Variants in DNAH6 observed in about 807,000 individuals in gnomAD.
DNAH6 encodes the protein axonemal beta dynein heavy chain 6.
A neutral mutation model predicts 491.4 loss-of-function variants in DNAH6; 340 were observed. The ratio of observed to expected loss-of-function variants is 0.69; its 90% confidence interval spans 0.63 to 0.76. The LOEUF (loss-of-function observed/expected upper bound fraction) is 0.76, where lower values mean the gene tolerates loss of function less well. Among genes scored for constraint, DNAH6 ranks in the 30% least tolerant of loss-of-function variants. DNAH6 has a pLI of 0.00. For synonymous variants in DNAH6, 1,603 were observed against 1,686.1 expected (o/e 0.95, Z 1.21); for missense variants, 4,443 against 4,972.2 (o/e 0.89, Z 3.20).
intron 23 of DNAH6, among the ~76,000 whole-genome samples, chr2:84,618,515 T>C (rs1426253174): frequency 1.3e-5 from 2 of 151,838 alleles, no homozygotes; most frequent in Non-Finnish European, 2.9e-5. Flanking sequence ...ATCAACAATC[T>C]AGAGCATTCA....
intron 13 of DNAH6, among the ~76,000 whole-genome samples, chr2:84,577,826 G>C (rs976501626): frequency 6.6e-6 from 1 of 152,020 alleles, no homozygotes; most frequent in Admixed American, 6.6e-5. Flanking sequence ...ATAGAACTAG[G>C]GAAATTTCTG....
chr2:84,812,618 C>G, intron 73 of DNAH6, 92 bp downstream of exon 73: 1 of 990,584 alleles, frequency 1.0e-6, no homozygotes, highest in Non-Finnish European at 1.5e-6. Flanking sequence ...TATCCACAGT[C>G]ACTGATGGAT....
chr2:84,652,273 A>T (rs1001205800), intron 33 of DNAH6, among the ~76,000 whole-genome samples: 1 of 151,776 alleles, frequency 6.6e-6, no homozygotes, highest in Non-Finnish European at 1.5e-5. Flanking sequence ...GAAGGCGCCT[A>T]TTTCCCCATA....
chr2:84,562,617 A>T lies in DNAH6; in HGVS notation c.1803+4682A>T, dbSNP rs1352827537. ...TATAATTTTACTCATGGCTATGATTATTACAGTGTAAGGATATAAAGCAAA... is the reference window on the plus strand; with the variant it reads ...TATAATTTTACTCATGGCTATGATTTTTACAGTGTAAGGATATAAAGCAAA... On this transcript the variant is annotated intron_variant, in intron 11 of 76. Transcript: ENST00000389394. Among the ~76,000 whole-genome samples the T allele has an allele frequency of 2.0e-5, 3 of 152,154 alleles. No individual in the cohort carries two copies. The East Asian group carries it at 5.8e-4, about 29-fold the overall frequency.
chr2:84,488,160 C>T, the DNAH6 span, among the ~76,000 whole-genome samples: 3 of 152,014 alleles, frequency 2.0e-5, no homozygotes, highest in South Asian at 2.1e-4. Flanking sequence ...AGATGCCCAA[C>T]GATGGGAATA....
Position 84,819,340 on chromosome 2 carries a change from C to A in DNAH6, c.12409C>A (p.Pro4137Thr). The A allele has an allele frequency of 6.4e-7, 1 of 1,551,184 alleles. No homozygotes were observed. Residue 4137 changes from proline (P) to threonine (T), a missense_variant, in exon 77 of 77, where the codon CCC (proline) becomes ACC (threonine). Transcript: ENST00000389394. Reference protein sequence around the residue: ...STNFVVTVLLPSKRSKDYWIA... With the variant: ...STNFVVTVLLTSKRSKDYWIA... ...CAATTTTGTGGTAACCGTCCTGTTA[C>A]CCTCCAAGCGGTCCAAAGACTACTG...
At chr2:84,588,453 A>G (rs1293944968) in intron 15 of DNAH6, among the ~76,000 whole-genome samples, 1 of 152,124 alleles carries the variant, frequency 6.6e-6, no homozygotes, top group Non-Finnish European at 1.5e-5. Context: ...AGGACTTTCC[A>G]TTCCTTTATT....
Position 84,739,819 on chromosome 2 carries a change from CT to C in DNAH6, c.10343-5258del, listed in dbSNP as rs201433500. On this transcript the variant is annotated intron_variant, in intron 62 of 76. Transcript: ENST00000389394. Reference sequence around the variant, plus strand: ...CTGGCTTCTTTGTGTGGGATTTCAACTTTCTCCTGGATCTCATTGAGTTTCT... The same window carrying C: ...CTGGCTTCTTTGTGTGGGATTTCAACTTCTCCTGGATCTCATTGAGTTTCT... Among the ~76,000 whole-genome samples the C allele has an allele frequency of 2.9e-3, 449 of 152,214 alleles. 8 individuals are homozygous for C. Among genetic ancestry groups the C allele is most frequent in the Admixed American group, 0.027 (412 of 15,292 alleles).
intron 29 of DNAH6, among the ~76,000 whole-genome samples, chr2:84,629,064 AC>A (rs1688148884): frequency 6.6e-6 from 1 of 152,190 alleles, no homozygotes; most frequent in East Asian, 1.9e-4. Context: ...TCCACTGAGC[AC>A]TTTGTCTATG....
At chr2:84,583,913 TAC>T in intron 14 of DNAH6, 84 bp from the exon 15 acceptor site, 1 of 1,333,458 alleles carries the variant, frequency 7.5e-7, no homozygotes, top group Non-Finnish European at 1.1e-6. Flanking sequence ...GTTCATATTG[TAC>T]AGTGTCTGTC....
intron 16 of DNAH6, among the ~76,000 whole-genome samples, chr2:84,593,394 A>T (rs1007820849): frequency 6.6e-6 from 1 of 152,232 alleles, no homozygotes; most frequent in Non-Finnish European, 1.5e-5. Context: ...AGGTTTCCCC[A>T]GCGTTGAACC....
chr2:84,567,513 T>C (rs985784443), intron 11 of DNAH6, among the ~76,000 whole-genome samples: 10 of 152,062 alleles, frequency 6.6e-5, no homozygotes, highest in African/African-American at 2.4e-4. Flanking sequence ...AACCATCTGA[T>C]CTTCAACAAA....
chr2:84,641,225 A>G (rs1186960985), intron 32 of DNAH6, among the ~76,000 whole-genome samples: 14 of 152,174 alleles, frequency 9.2e-5, no homozygotes, highest in Admixed American at 8.5e-4. Context: ...CTCTCAGGCC[A>G]TGACTCATTG....
chr2:84,745,111 A>G lies in DNAH6; in HGVS notation c.10374A>G (p.Lys3458=). ...TTGAGACTTATATTAACCCACAGAA[A>G]TGGGAAGGCTATTCTAAAATGAAAC... The part of the protein sequence containing the change: ...GSFETYINPQ[K]WEGYSKMKHE... Residue 3458 remains lysine (K), a synonymous_variant, in exon 63 of 77, where the codon AAA becomes AAG. Transcript: ENST00000389394. 6.5e-7 allele frequency: 1 copy of G among 1,537,852 alleles called. No homozygotes were observed. Among genetic ancestry groups the G allele is most frequent in the Non-Finnish European group, 8.8e-7 (1 of 1,140,596 alleles).
At position 84,641,977 on chromosome 2, in the gene DNAH6, T is replaced by C; in HGVS notation, c.5001T>C (p.Asn1667=). 6.4e-7 allele frequency: 1 copy of C among 1,550,858 alleles called. No individual in the cohort carries two copies. Among genetic ancestry groups the C allele is most frequent in the Non-Finnish European group, 8.7e-7 (1 of 1,146,526 alleles). ...TAAAAAGAGAAAACCCAGACCTAAA[T>C]GAAGATGTGGTGTTGATAAGAGCTT... ...GSLKRENPDL[N]EDVVLIRALQ... is the part of the protein sequence containing the mutation. The change falls in exon 33 of 77, where the codon AAT becomes AAC. Residue 1667 remains asparagine, a synonymous_variant. Coordinates refer to ENST00000389394, the MANE Select transcript of DNAH6 (RefSeq NM_001370.2).
intron 64 of DNAH6, among the ~76,000 whole-genome samples, chr2:84,778,996 G>T (rs1459844852): frequency 6.6e-6 from 1 of 152,090 alleles, no homozygotes; most frequent in African/African-American, 2.4e-5. Context: ...TTCCACTGTT[G>T]TCTGAGAGTA....
In DNAH6 at chr2:84,641,982, A is replaced by G; in HGVS notation, c.5006A>G (p.Asp1669Gly). ...AGAGAAAACCCAGACCTAAATGAAG[A>G]TGTGGTGTTGATAAGAGCTTTACAA... is the stretch of plus-strand genomic sequence containing the variant. The part of the protein sequence containing the change: ...LKRENPDLNE[D>G]VVLIRALQDS... Residue 1669 changes from aspartate to glycine, a missense_variant, in exon 33 of 77, where the codon GAT (aspartate) becomes GGT (glycine). Transcript: ENST00000389394. The G allele has an allele frequency of 6.4e-7, 1 of 1,550,928 alleles. No individual in the cohort carries two copies. Among genetic ancestry groups the G allele is most frequent in the South Asian group, 1.2e-5 (1 of 83,986 alleles).
intron 37 of DNAH6, among the ~76,000 whole-genome samples, chr2:84,662,151 T>C (rs1691571780): frequency 6.6e-6 from 1 of 151,018 alleles, no homozygotes; most frequent in South Asian, 2.1e-4. Context: ...ATTGAGGAGG[T>C]TCCAAGATGG....
At chr2:84,585,954 C>T (rs1683493183) in intron 15 of DNAH6, among the ~76,000 whole-genome samples, 1 of 152,208 alleles carries the variant, frequency 6.6e-6, no homozygotes, top group African/African-American at 2.4e-5. Flanking sequence ...CAATGTGGGG[C>T]CTCACCGGGG....
Sources: gnomAD v4.1 joint callset for allele counts (sites outside exome capture counted in the v4.1 genomes callset) on GRCh38, gnomAD v4.1.1 for gene constraint, MANE v1.5 for transcripts, NCBI Gene and HGNC (gene_info 2026-07-23, HGNC 2026-07-21) for gene names.